TRANK1: variants seen among roughly 807,000 people sequenced by gnomAD.
TRANK1 encodes the protein tetratricopeptide repeat and ankyrin repeat containing 1.
Under a neutral mutation model 266.0 loss-of-function variants are expected in TRANK1, and 198 were observed. The ratio of observed to expected loss-of-function variants is 0.74; its 90% CI spans 0.66 to 0.84. The LOEUF is 0.84. Ranked by LOEUF, TRANK1 falls within the 40% of genes least tolerant of loss-of-function variation. The pLI is 0.00. For missense variants in TRANK1, 3,326 were observed against 3,634.6 expected, an observed-to-expected ratio of 0.92 and a Z score of 2.18; for synonymous variants, 1,396 against 1,384.1, an observed-to-expected ratio of 1.01 and a Z score of -0.19.
intron 18 of TRANK1, 129 bp from the exon 19 acceptor site, chr3:36,838,845 A>G (rs2078805506): frequency 4.7e-6 from 4 of 850,178 alleles, no homozygotes; most frequent in Admixed American, 2.5e-5. Flanking sequence ...TCTGAGAAGG[A>G]GGAGCAGGAA....
intron 1 of TRANK1, among the ~76,000 whole-genome samples, chr3:36,909,766 T>C (rs1315935171): frequency 6.6e-6 from 1 of 152,234 alleles, no homozygotes; most frequent in African/African-American, 2.4e-5. Flanking sequence ...GTTTTTGAAC[T>C]GTACTCCACT....
intron 1 of TRANK1, among the ~76,000 whole-genome samples, chr3:36,922,925 G>T (rs570182971): frequency 2.0e-5 from 3 of 152,280 alleles, no homozygotes; most frequent in African/African-American, 7.2e-5. Flanking sequence ...TGGCAGGGCC[G>T]AGGGAAAGCA....
Position 36,908,438 on chromosome 3 carries a change from A to G in TRANK1, c.40T>C (p.Tyr14His). Residue 14 changes from tyrosine to histidine, a missense_variant, in exon 2 of 24, where the codon TAC becomes CAC. Coordinates refer to ENST00000645898, the MANE Select transcript of TRANK1 (RefSeq NM_001329998.2). ...PRAARMDLTA[Y>H]AELLKESGNQ... Reference sequence around the variant, plus strand: ...CCGGATTCTTTCAGCAGCTCAGCGTAAGCTGTCAGGTCCATCCTGTGAGGA... The same window carrying G: ...CCGGATTCTTTCAGCAGCTCAGCGTGAGCTGTCAGGTCCATCCTGTGAGGA... 1 of 1,232,214 alleles carries G rather than the reference A, an allele frequency of 8.1e-7. No homozygotes were observed. Among genetic ancestry groups the G allele is most frequent in the Non-Finnish European group, 1.0e-6 (1 of 987,994 alleles). 76.3% of individuals were successfully genotyped at this position (1,232,214 alleles called of 1,614,324 possible). A position where few individuals can be genotyped will look rare whatever the true frequency, so the allele number is the denominator to read the frequency against.
intron 8 of TRANK1, among the ~76,000 whole-genome samples, chr3:36,875,979 T>C (rs114801032): frequency 0.016 from 2,485 of 152,342 alleles, 60 homozygotes; most frequent in African/African-American, 0.054. Context: ...AAAATATCCA[T>C]GTGTACAAAA....
chr3:36,848,274 T>C (rs1021735688), intron 15 of TRANK1, among the ~76,000 whole-genome samples: 1 of 152,204 alleles, frequency 6.6e-6, no homozygotes, highest in African/African-American at 2.4e-5. Flanking sequence ...CTTTGGGTTT[T>C]TTTTCTGGCC....
chr3:36,877,041 G>A (rs1246359198), intron 8 of TRANK1, among the ~76,000 whole-genome samples: 1 of 152,156 alleles, frequency 6.6e-6, no homozygotes, highest in Non-Finnish European at 1.5e-5. Flanking sequence ...AGGCCCAACT[G>A]ACACTGCAAT....
chr3:36,868,535 G>A (rs1351986694), intron 9 of TRANK1, among the ~76,000 whole-genome samples: 1 of 151,898 alleles, frequency 6.6e-6, no homozygotes, highest in African/African-American at 2.4e-5. Flanking sequence ...AAAAGTGTTA[G>A]GTTTTATTAC....
In TRANK1 at chr3:36,833,480, G is replaced by T; in HGVS notation, c.6103C>A (p.Leu2035Met). 1 of 1,613,934 alleles carries T rather than the reference G, an allele frequency of 6.2e-7. No individual in the cohort carries two copies. Among genetic ancestry groups the T allele is most frequent in the Non-Finnish European group, 8.5e-7 (1 of 1,179,832 alleles). The change falls in exon 22 of 24, where the codon CTG becomes ATG. Residue 2035 changes from leucine (L) to methionine (M), a missense_variant. Leu to Met is a conservative substitution (Grantham distance 15, BLOSUM62 2). Transcript: ENST00000645898. ...QLSGIAEAHF[L>M]QGVILRDFQK... ...AAGTCTCTCAGGATTACCCCTTGCA[G>T]GAAGTGGGCCTCCGCAATGCCAGAC...
At chr3:36,898,648 A>G (rs1194704207) in intron 4 of TRANK1, among the ~76,000 whole-genome samples, 1 of 152,028 alleles carries the variant, frequency 6.6e-6, no homozygotes, top group Non-Finnish European at 1.5e-5. Flanking sequence ...TCAAGAGATT[A>G]AGGCCATCCT....
Position 36,944,978 on chromosome 3 carries a change from T to G in TRANK1, c.-169A>C. On this transcript the variant is annotated 5_prime_UTR_variant, in exon 1 of 24. Transcript: ENST00000645898. Reference sequence around the variant, plus strand: ...GGCCCCCAGCTGCCTGCGGCTCGGCTACCCAGCCGCGATCAGAGGGGGCGG... The same window carrying G: ...GGCCCCCAGCTGCCTGCGGCTCGGCGACCCAGCCGCGATCAGAGGGGGCGG... The G allele has an allele frequency of 3.5e-6, 2 of 568,482 alleles. No homozygotes were observed. Among genetic ancestry groups the G allele is most frequent in the Non-Finnish European group, 5.6e-6 (2 of 356,060 alleles). The allele number at this position is 568,482 out of a possible 1,614,324, so 35.2% of individuals were successfully genotyped here. A position where few individuals can be genotyped will look rare whatever the true frequency, so the allele number is the denominator to read the frequency against.
chr3:36,944,866 G>T lies in TRANK1; in HGVS notation c.-57C>A. On this transcript the variant is annotated 5_prime_UTR_variant, in exon 1 of 24. Coordinates refer to ENST00000645898, the MANE Select transcript of TRANK1 (RefSeq NM_001329998.2). Reference sequence around the variant, plus strand: ...CCGCCGCCTGGGGAAGCGCTTCCCTGTGGGCAGGGCGCGGCGGGCAGTGCG... The same window carrying T: ...CCGCCGCCTGGGGAAGCGCTTCCCTTTGGGCAGGGCGCGGCGGGCAGTGCG... The T allele has an allele frequency of 7.1e-7, 1 of 1,412,140 alleles. No individual in the cohort carries two copies. The highest frequency in any genetic ancestry group is 1.5e-5 in the African/African-American group (1 of 66,630). The allele number at this position is 1,412,140 out of a possible 1,614,324, so 87.5% of individuals were successfully genotyped here.
At chr3:36,837,742 T>C (rs1169658518) in intron 20 of TRANK1, among the ~76,000 whole-genome samples, 1 of 152,222 alleles carries the variant, frequency 6.6e-6, no homozygotes, top group Non-Finnish European at 1.5e-5. Flanking sequence ...CAAATAATAG[T>C]TTGTAGCCTG....
chr3:36,886,360 T>A (rs1014536600), intron 8 of TRANK1, among the ~76,000 whole-genome samples: 1 of 151,656 alleles, frequency 6.6e-6, no homozygotes, highest in African/African-American at 2.4e-5. Flanking sequence ...CCACCCACCT[T>A]AGCCTCCCCC....
chr3:36,860,802 T>G, intron 11 of TRANK1, 104 bp downstream of exon 11: 2 of 1,464,292 alleles, frequency 1.4e-6, no homozygotes, highest in Non-Finnish European at 1.8e-6. Flanking sequence ...GAGGGTGAAC[T>G]TCATGGTGCC....
chr3:36,883,595 T>C (rs755475988), intron 8 of TRANK1, among the ~76,000 whole-genome samples: 8 of 149,044 alleles, frequency 5.4e-5, no homozygotes, highest in Non-Finnish European at 1.0e-4. Context: ...GCAAAAGAAA[T>C]CCAGAAAGAA....
chr3:36,897,602 C>T (rs1476822954), intron 4 of TRANK1, among the ~76,000 whole-genome samples: 1 of 152,230 alleles, frequency 6.6e-6, no homozygotes, highest in Non-Finnish European at 1.5e-5. Context: ...TGATTGATAA[C>T]AGTCTATCCA....
At chr3:36,892,082 T>C in intron 7 of TRANK1, 120 bp downstream of exon 7, 2 of 1,199,400 alleles carry the variant, frequency 1.7e-6, no homozygotes, top group Non-Finnish European at 2.2e-6. Flanking sequence ...ATCAGATCAT[T>C]TGAATATTCA....
intron 13 of TRANK1, among the ~76,000 whole-genome samples, chr3:36,853,278 T>C (rs553016533): frequency 9.8e-5 from 15 of 152,302 alleles, no homozygotes; most frequent in African/African-American, 3.4e-4. Context: ...GATTTGAACA[T>C]AGACCTTCCT....
chr3:36,908,676 C>T (rs2080009228), intron 1 of TRANK1: 2 of 968,704 alleles, frequency 2.1e-6, no homozygotes, highest in African/African-American at 1.8e-5. Flanking sequence ...GGTGGCCAGA[C>T]CAATTCCATT....
Sources: gnomAD v4.1 joint callset for allele counts (sites outside exome capture counted in the v4.1 genomes callset) on GRCh38, gnomAD v4.1.1 for gene constraint, MANE v1.5 for transcripts, NCBI Gene and HGNC (gene_info 2026-07-23, HGNC 2026-07-21) for gene names.